CBFB: variants seen among roughly 807,000 people sequenced by gnomAD.
The protein encoded by CBFB is core-binding factor subunit beta, also known as CBF-beta.
CBFB carries 9 observed loss-of-function variants against 30.4 expected under a neutral mutation model. The ratio of observed to expected loss-of-function variants is 0.30; its 90% CI spans 0.18 to 0.52. CBFB has a LOEUF of 0.52. CBFB is among the 20% of genes least tolerant of loss of function. CBFB has a pLI of 0.97. For missense variants in CBFB, 170 were observed against 244.0 expected (o/e 0.70, Z 2.02); for synonymous variants, 94 against 84.0 (o/e 1.12, Z -0.65).
At chr16:67,091,943 G>C (rs1467040788) in intron 5 of CBFB, among the ~76,000 whole-genome samples, 2 of 151,978 alleles carry the variant, frequency 1.3e-5, no homozygotes, top group African/African-American at 4.8e-5. Context: ...GCACGATCTC[G>C]GCTCACCACA....
chr16:67,048,034 A>G (rs1257060718), intron 3 of CBFB, among the ~76,000 whole-genome samples: 1 of 152,076 alleles, frequency 6.6e-6, no homozygotes, highest in Non-Finnish European at 1.5e-5. Flanking sequence ...GCGCCACTGC[A>G]CTCCAGCCTG....
intron 5 of CBFB, among the ~76,000 whole-genome samples, chr16:67,096,212 G>A (rs1027084027): frequency 1.3e-5 from 2 of 151,874 alleles, no homozygotes; most frequent in Non-Finnish European, 2.9e-5. Context: ...CTTGGGAGGC[G>A]GGGCAGGAGA....
intron 5 of CBFB, among the ~76,000 whole-genome samples, chr16:67,084,296 A>G (rs945757715): frequency 1.3e-5 from 2 of 152,154 alleles, no homozygotes; most frequent in African/African-American, 4.8e-5. Context: ...TTGTATCAAC[A>G]TGAACATTTC....
chr16:67,038,902 C>T (rs1449382020), intron 3 of CBFB, among the ~76,000 whole-genome samples: 1 of 152,098 alleles, frequency 6.6e-6, no homozygotes, highest in Non-Finnish European at 1.5e-5. Flanking sequence ...GTTAACTCTA[C>T]CAGAAATTAA....
chr16:67,098,216 A>T (rs1036306022), intron 5 of CBFB, among the ~76,000 whole-genome samples: 1 of 151,950 alleles, frequency 6.6e-6, no homozygotes, highest in South Asian at 2.1e-4. Flanking sequence ...GCTCACGGCA[A>T]CCTCCACCTC....
At chr16:67,039,086 G>A (rs895096983) in intron 3 of CBFB, among the ~76,000 whole-genome samples, 1 of 152,174 alleles carries the variant, frequency 6.6e-6, no homozygotes, top group Non-Finnish European at 1.5e-5. Flanking sequence ...TCTGGGAAAT[G>A]TGTTGCTGGG....
intron 3 of CBFB, among the ~76,000 whole-genome samples, chr16:67,053,631 C>G (rs1960627532): frequency 6.6e-6 from 1 of 151,892 alleles, no homozygotes; most frequent in Non-Finnish European, 1.5e-5. Flanking sequence ...GATTCAGCTT[C>G]CCTGTGAATT....
chr16:67,043,155 C>G (rs1473781037), intron 3 of CBFB, among the ~76,000 whole-genome samples: 3 of 152,120 alleles, frequency 2.0e-5, no homozygotes, highest in African/African-American at 7.2e-5. Flanking sequence ...AGCCCACATT[C>G]AACAGGGAGG....
At chr16:67,066,637 G>A in intron 3 of CBFB, 45 bp from the exon 4 acceptor site, 4 of 991,894 alleles carry the variant, frequency 4.0e-6, no homozygotes, top group Non-Finnish European at 6.4e-6. Context: ...TTATTTTCAT[G>A]TGTCTGATGG....
intron 4 of CBFB, among the ~76,000 whole-genome samples, chr16:67,078,378 T>A (rs1184809097): frequency 6.6e-6 from 1 of 151,950 alleles, no homozygotes; most frequent in Non-Finnish European, 1.5e-5. Context: ...CGAGACCTCA[T>A]CTCTCTATAA....
At chr16:67,080,023 GGGA>G (rs1961510636) in intron 4 of CBFB, among the ~76,000 whole-genome samples, 1 of 152,082 alleles carries the variant, frequency 6.6e-6, no homozygotes, top group African/African-American at 2.4e-5. Context: ...GCTTGAACCT[GGGA>G]GGTTGCAGTG....
At chr16:67,038,384 A>G (rs1193231873) in intron 3 of CBFB, among the ~76,000 whole-genome samples, 7 of 151,850 alleles carry the variant, frequency 4.6e-5, no homozygotes, top group Admixed American at 4.6e-4. Context: ...GTATGTATAT[A>G]CATATATATG....
intron 3 of CBFB, among the ~76,000 whole-genome samples, chr16:67,063,497 A>G (rs1055288231): frequency 4.4e-5 from 6 of 135,086 alleles, no homozygotes; most frequent in African/African-American, 1.9e-4. Context: ...GCTAGAGTGC[A>G]GTGGTGCGAC....
At chr16:67,081,374 A>G (rs1201228116) in intron 4 of CBFB, among the ~76,000 whole-genome samples, 2 of 151,982 alleles carry the variant, frequency 1.3e-5, no homozygotes, top group Non-Finnish European at 2.9e-5. Flanking sequence ...ACGTATGTTT[A>G]TTGTGGCACT....
At position 67,096,196 on chromosome 16, in the gene CBFB, C is replaced by T. The variant is rs535872233; in HGVS notation, c.496-2514C>T. On this transcript the variant is annotated intron_variant, in intron 5 of 5. Coordinates refer to ENST00000412916, the MANE Select transcript of CBFB (RefSeq NM_022845.3). The stretch of plus-strand genomic sequence containing the variant: ...GTGTCGTGGTGCATGCCTGTTCTCC[C>T]AGCTGCTTGGGAGGCGGGGCAGGAG... 4.6e-5 allele frequency among the ~76,000 whole-genome samples: 7 copies of T among 151,952 alleles called. No homozygotes were observed. In the South Asian group the frequency reaches 1.2e-3, roughly 27 times the overall value.
rs182737115 is a variant in CBFB, at chr16:67,100,166, G to T, written c.*1388G>T. The stretch of plus-strand genomic sequence containing the variant: ...ATTTATTAAATGTTACTACATTTCT[G>T]AATTTTTGAAAAATGTATTTTATCA... On this transcript the variant is annotated 3_prime_UTR_variant, in exon 6 of 6. Coordinates refer to ENST00000412916, the MANE Select transcript of CBFB (RefSeq NM_022845.3). 4.8e-6 allele frequency: 1 copy of T among 210,490 alleles called. No homozygotes were observed. Among genetic ancestry groups the T allele is most frequent in the Admixed American group, 5.9e-5 (1 of 16,954 alleles). The allele number at this position is 210,490 out of a possible 1,614,324, so 13.0% of individuals were successfully genotyped here.
chr16:67,031,826 T>G (rs553383412), intron 2 of CBFB, among the ~76,000 whole-genome samples: 1 of 152,136 alleles, frequency 6.6e-6, no homozygotes, highest in Non-Finnish European at 1.5e-5. Flanking sequence ...TTTCGTTTTT[T>G]TTTTTTAAGA....
chr16:67,090,589 G>A (rs1961854226), intron 5 of CBFB, among the ~76,000 whole-genome samples: 1 of 152,190 alleles, frequency 6.6e-6, no homozygotes, highest in Admixed American at 6.5e-5. Context: ...TCCAGAGACT[G>A]CCTTCAACTT....
intron 3 of CBFB, among the ~76,000 whole-genome samples, chr16:67,042,014 C>G (rs1966539873): frequency 6.6e-6 from 1 of 151,362 alleles, no homozygotes; most frequent in South Asian, 2.1e-4. Context: ...CTCAGGTGAT[C>G]TTCCCACCTC....
Sources: allele counts gnomAD v4.1 joint callset (sites outside exome capture counted in the v4.1 genomes callset), GRCh38; gene constraint gnomAD v4.1.1; transcripts MANE v1.5; gene names NCBI Gene and HGNC (gene_info 2026-07-23, HGNC 2026-07-21).